The following ZNF385B variants were observed in gnomAD, a reference collection of about 807,000 sequenced individuals.
The protein encoded by ZNF385B is zinc finger protein 385B.
A neutral mutation model predicts 39.2 loss-of-function variants in ZNF385B; 23 were observed. The observed-to-expected ratio is 0.59, with a 90% CI of 0.42 to 0.83. The LOEUF is 0.83. ZNF385B is among the 40% of genes least tolerant of loss of function. The pLI, the probability that ZNF385B is intolerant of heterozygous loss-of-function variation, is 0.00. For missense variants in ZNF385B, 552 were observed against 598.9 expected, an observed-to-expected ratio of 0.92 and a Z score of 0.82; for synonymous variants, 205 against 222.6, an observed-to-expected ratio of 0.92 and a Z score of 0.70.
rs990384763 is a variant in ZNF385B, at chr2:179,769,698, G to C, written c.103C>G (p.Pro35Ala). 3 of 1,614,034 alleles carry C rather than the reference G, an allele frequency of 1.9e-6. No individual in the cohort carries two copies. Among genetic ancestry groups the C allele is most frequent in the African/African-American group, 2.7e-5 (2 of 74,908 alleles). The change falls in exon 3 of 10, where the codon CCT becomes GCT. Residue 35 changes from proline (P) to alanine (A), a missense_variant. Transcript: ENST00000410066. ...FEEKGIKNDR[P>A]EDQLSKEKKK... ...TTCTCTTTGCTCAACTGGTCCTCAG[G>C]CCTGTCGTTCTTTATCCCCTTTTCT...
intron 3 of ZNF385B, among the ~76,000 whole-genome samples, chr2:179,654,932 G>A (rs1052727982): frequency 6.6e-6 from 1 of 152,140 alleles, no homozygotes; most frequent in African/African-American, 2.4e-5. Context: ...TCCTTTTGCA[G>A]TATGATTTTT....
intron 3 of ZNF385B, among the ~76,000 whole-genome samples, chr2:179,670,015 G>A (rs981401724): frequency 3.3e-5 from 5 of 152,052 alleles, no homozygotes; most frequent in African/African-American, 1.2e-4. Flanking sequence ...GTGCTGGCCG[G>A]GCGCGGTGGC....
At chr2:179,481,954 A>G (rs1478099350) in intron 6 of ZNF385B, among the ~76,000 whole-genome samples, 3 of 152,210 alleles carry the variant, frequency 2.0e-5, no homozygotes, top group Non-Finnish European at 4.4e-5. Flanking sequence ...TATATGTCAG[A>G]AGGTTTTGTT....
At chr2:179,678,386 G>T (rs1575203449) in intron 3 of ZNF385B, among the ~76,000 whole-genome samples, 1 of 152,264 alleles carries the variant, frequency 6.6e-6, no homozygotes, top group African/African-American at 2.4e-5. Context: ...AGGCAAGTGT[G>T]CCATGTGACA....
At chr2:179,552,412 A>G (rs2060632801) in intron 3 of ZNF385B, among the ~76,000 whole-genome samples, 1 of 149,380 alleles carries the variant, frequency 6.7e-6, no homozygotes, top group African/African-American at 2.5e-5. Flanking sequence ...TGCCATTATT[A>G]TGCATGTTCC....
chr2:179,772,180 G>C lies in ZNF385B; in HGVS notation c.-154-1508C>G, dbSNP rs547458224. On this transcript the variant is annotated intron_variant, in intron 1 of 9. Transcript: ENST00000410066. ...TTATCCTGGAAATTATTCTACTTTTGATTTATTTAAATATACATATTTTAA... is the reference window on the plus strand; with the variant it reads ...TTATCCTGGAAATTATTCTACTTTTCATTTATTTAAATATACATATTTTAA... 3.9e-5 allele frequency among the ~76,000 whole-genome samples: 6 copies of C among 152,104 alleles called. No homozygotes were observed. The South Asian group carries it at 1.2e-3, about 32-fold the overall frequency.
rs1233567378 is a variant in ZNF385B at position 179,694,984 on chromosome 2, GAGGAGA to G, written c.298+74513_298+74518del. Among the ~76,000 whole-genome samples the G allele has an allele frequency of 5.5e-3, 824 of 149,618 alleles. 6 individuals carry two copies. The highest frequency in any genetic ancestry group is 0.02 in the African/African-American group (781 of 39,496). On this transcript the variant is annotated intron_variant, in intron 3 of 9. Coordinates refer to ENST00000410066, the MANE Select transcript of ZNF385B (RefSeq NM_152520.6). Reference sequence around the variant, plus strand: ...GGAGGAGGAGGAGGAGGAGGAGGAGGAGGAGAAGAAAAAGAAGAAGGAGGACGTCTG... The same window carrying G: ...GGAGGAGGAGGAGGAGGAGGAGGAGGAGAAAAAGAAGAAGGAGGACGTCTG...
chr2:179,510,904 C>G (rs1333616828), intron 5 of ZNF385B, among the ~76,000 whole-genome samples: 1 of 152,102 alleles, frequency 6.6e-6, no homozygotes, highest in African/African-American at 2.4e-5. Context: ...AAGCAAGCAC[C>G]AGGCAGTCAA....
At chr2:179,638,229 C>G (rs185243580) in intron 3 of ZNF385B, among the ~76,000 whole-genome samples, 2 of 152,052 alleles carry the variant, frequency 1.3e-5, no homozygotes, top group Admixed American at 1.3e-4. Flanking sequence ...CTTATCACAA[C>G]AAAATCAAAT....
intron 3 of ZNF385B, among the ~76,000 whole-genome samples, chr2:179,628,427 G>C (rs1422497891): frequency 2.6e-5 from 4 of 152,100 alleles, no homozygotes; most frequent in African/African-American, 9.7e-5. Flanking sequence ...TTTGCTGATT[G>C]GTTTCCATGG....
chr2:179,605,727 A>G (rs1472446783), intron 3 of ZNF385B, among the ~76,000 whole-genome samples: 1 of 152,204 alleles, frequency 6.6e-6, no homozygotes, highest in Non-Finnish European at 1.5e-5. Flanking sequence ...TAATAATTAC[A>G]GAGAGGTCAA....
chr2:179,680,827 ATTATCAGTCCT>A lies in ZNF385B; in HGVS notation c.298+88665_298+88675del, dbSNP rs367789823. 5.8e-3 allele frequency among the ~76,000 whole-genome samples: 876 copies of A among 152,222 alleles called. 8 individuals are homozygous for A. The highest frequency in any genetic ancestry group is 0.019 in the African/African-American group (775 of 41,556). On this transcript the variant is annotated intron_variant, in intron 3 of 9. Coordinates refer to ENST00000410066, the MANE Select transcript of ZNF385B (RefSeq NM_152520.6). ...ATTAGAGGTGTAAAACAGTTCACAA[ATTATCAGTCCT>A]TTATCTCAATACTCAGAACCATCCT...
At chr2:179,448,643 A>G (rs1023922170) in intron 6 of ZNF385B, among the ~76,000 whole-genome samples, 1 of 152,102 alleles carries the variant, frequency 6.6e-6, no homozygotes, top group African/African-American at 2.4e-5. Flanking sequence ...GTAAGGCTCA[A>G]AATGATTATT....
intron 3 of ZNF385B, among the ~76,000 whole-genome samples, chr2:179,612,884 C>T (rs530909939): frequency 2.0e-5 from 3 of 152,212 alleles, no homozygotes; most frequent in South Asian, 4.1e-4. Flanking sequence ...GGATCTGAGT[C>T]AGAAACCTTA....
chr2:179,460,191 A>G (rs1358486373), intron 6 of ZNF385B, among the ~76,000 whole-genome samples: 2 of 152,108 alleles, frequency 1.3e-5, no homozygotes, highest in Admixed American at 1.3e-4. Context: ...TGGTCATGGT[A>G]AAGAGTCAGC....
At chr2:179,570,607 G>A (rs1021984954) in intron 3 of ZNF385B, among the ~76,000 whole-genome samples, 1 of 152,184 alleles carries the variant, frequency 6.6e-6, no homozygotes, top group Admixed American at 6.5e-5. Context: ...ATAAATGTTA[G>A]TTCTCTCTTT....
chr2:179,677,332 GC>G (rs140137226), intron 3 of ZNF385B, among the ~76,000 whole-genome samples: 216 of 152,270 alleles, frequency 1.4e-3, no homozygotes, highest in African/African-American at 4.9e-3. Context: ...GATCTCTGTT[GC>G]CCGTGTGATT....
At chr2:179,477,850 C>G (rs1032708703) in intron 6 of ZNF385B, among the ~76,000 whole-genome samples, 3 of 151,700 alleles carry the variant, frequency 2.0e-5, no homozygotes, top group Non-Finnish European at 4.4e-5. Flanking sequence ...CAGATAATGT[C>G]CCGCATAGAA....
intron 1 of ZNF385B, among the ~76,000 whole-genome samples, chr2:179,846,679 C>CT (rs1708816582): frequency 6.6e-6 from 1 of 152,170 alleles, no homozygotes; most frequent in African/African-American, 2.4e-5. Flanking sequence ...ACAGTATCCA[C>CT]TAGATTACTG....
Sources: allele counts gnomAD v4.1 joint callset (sites outside exome capture counted in the v4.1 genomes callset), GRCh38; gene constraint gnomAD v4.1.1; transcripts MANE v1.5; gene names NCBI Gene and HGNC (gene_info 2026-07-23, HGNC 2026-07-21).